Variants in NFAT5 observed in about 807,000 individuals in gnomAD.
The protein encoded by NFAT5 is nuclear factor of activated T cells 5, also known as nuclear factor of activated T-cells 5.
NFAT5 carries 31 observed loss-of-function variants against 166.5 expected under a neutral mutation model. The ratio of observed to expected loss-of-function variants is 0.19; its 90% CI spans 0.14 to 0.25. NFAT5 has a LOEUF of 0.25. Ranked by LOEUF, NFAT5 falls within the 10% of genes least tolerant of loss-of-function variation. The probability of loss-of-function intolerance (pLI) is 1.00; values close to 1 mark genes in which losing one functional copy is unlikely to be tolerated. For synonymous variants in NFAT5, 612 were observed against 639.7 expected (o/e 0.96, Z 0.65); for missense variants, 1,449 against 1,821.8 (o/e 0.80, Z 3.72).
In NFAT5 at chr16:69,596,621, C is replaced by A. The variant is rs532537571; in HGVS notation, c.127+28073C>A. 2.0e-5 allele frequency among the ~76,000 whole-genome samples: 3 copies of A among 150,724 alleles called. No individual in the cohort carries two copies. The Admixed American group carries it at 2.0e-4, about 10-fold the overall frequency. On this transcript the variant is annotated intron_variant, in intron 2 of 14. Coordinates refer to ENST00000349945, the MANE Select transcript of NFAT5 (RefSeq NM_138713.4). ...TAATTGCAGCTACTCAGGAGGCTGA[C>A]GCAGGAGAATCGCTTGAACCCGGGA...
chr16:69,653,034 A>G (rs2035739104), intron 4 of NFAT5, among the ~76,000 whole-genome samples: 1 of 152,278 alleles, frequency 6.6e-6, no homozygotes, highest in East Asian at 1.9e-4. Flanking sequence ...TTTGCATCAT[A>G]TAGTAAACTT....
At chr16:69,687,481 C>G (rs1171737663) in intron 11 of NFAT5, among the ~76,000 whole-genome samples, 3 of 150,430 alleles carry the variant, frequency 2.0e-5, no homozygotes, top group African/African-American at 4.9e-5. Flanking sequence ...TAAAATTAAC[C>G]TTTGTGACCT....
chr16:69,614,643 A>G lies in NFAT5; in HGVS notation c.128-11760A>G, dbSNP rs567260343. ...TACTTTGGTATTTCCAACAAATAAG[A>G]ATATTCCCTTATGTAACCACAATAT... On this transcript the variant is annotated intron_variant, in intron 2 of 14. Transcript: ENST00000349945. Among the ~76,000 whole-genome samples, 38 of 152,318 alleles carry G rather than the reference A, an allele frequency of 2.5e-4. No homozygotes were observed. The South Asian group carries it at 7.9e-3, about 32-fold the overall frequency.
intron 3 of NFAT5, among the ~76,000 whole-genome samples, chr16:69,635,556 C>A (rs753484118): frequency 6.6e-6 from 1 of 151,884 alleles, no homozygotes; most frequent in Non-Finnish European, 1.5e-5. Context: ...AAAGACATAC[C>A]CGAGACTAGA....
intron 2 of NFAT5, among the ~76,000 whole-genome samples, chr16:69,581,089 T>C (rs946942269): frequency 6.6e-6 from 1 of 152,190 alleles, no homozygotes; most frequent in African/African-American, 2.4e-5. Context: ...TCACCTAGGC[T>C]GGAATGCAGT....
intron 2 of NFAT5, among the ~76,000 whole-genome samples, chr16:69,612,101 A>G: frequency 6.6e-6 from 1 of 152,352 alleles, no homozygotes; most frequent in East Asian, 1.9e-4. Context: ...TTTCTGAAAT[A>G]ATATTAAAAT....
At chr16:69,677,861 C>T (rs1445137877) in intron 10 of NFAT5, among the ~76,000 whole-genome samples, 2 of 151,954 alleles carry the variant, frequency 1.3e-5, no homozygotes, top group Non-Finnish European at 2.9e-5. Context: ...TGGGTTAAAA[C>T]GATATTTTAG....
chr16:69,609,265 C>G (rs1474515474), intron 2 of NFAT5, among the ~76,000 whole-genome samples: 3 of 152,176 alleles, frequency 2.0e-5, no homozygotes, highest in East Asian at 1.9e-4. Flanking sequence ...CATTTTCATT[C>G]CAGCTGCATT....
chr16:69,680,694 C>T (rs2037022471), intron 10 of NFAT5, among the ~76,000 whole-genome samples: 1 of 152,138 alleles, frequency 6.6e-6, no homozygotes, highest in African/African-American at 2.4e-5. Flanking sequence ...AATGTCTTAG[C>T]TTCTGCCTCT....
At chr16:69,614,251 G>A (rs72801339) in intron 2 of NFAT5, among the ~76,000 whole-genome samples, 8,929 of 151,846 alleles carry the variant, frequency 0.059, 287 homozygotes, top group Middle Eastern at 0.11. Context: ...GACATCCTGG[G>A]ATCAAGCAGT....
At chr16:69,653,760 C>T (rs775195745) in intron 5 of NFAT5, among the ~76,000 whole-genome samples, 41 of 151,816 alleles carry the variant, frequency 2.7e-4, no homozygotes, top group African/African-American at 7.2e-5. Flanking sequence ...TTAGTAGTGT[C>T]GCAGTTTCAC....
At chr16:69,638,042 A>G (rs1445706794) in intron 3 of NFAT5, among the ~76,000 whole-genome samples, 1 of 151,916 alleles carries the variant, frequency 6.6e-6, no homozygotes, top group Non-Finnish European at 1.5e-5. Context: ...AACATGATGA[A>G]ACCCTGGCTC....
At chr16:69,629,677 C>T (rs943286217) in intron 3 of NFAT5, among the ~76,000 whole-genome samples, 1 of 150,624 alleles carries the variant, frequency 6.6e-6, no homozygotes, top group Non-Finnish European at 1.5e-5. Flanking sequence ...GTGCGAGGTG[C>T]GATCATAGCT....
intron 2 of NFAT5, among the ~76,000 whole-genome samples, chr16:69,609,652 T>C (rs1476395218): frequency 1.3e-5 from 2 of 151,908 alleles, no homozygotes; most frequent in Non-Finnish European, 2.9e-5. Flanking sequence ...GTCTGAATAC[T>C]TGCTTGTGGG....
chr16:69,567,495 T>C (rs1343679115), intron 1 of NFAT5, among the ~76,000 whole-genome samples: 1 of 152,206 alleles, frequency 6.6e-6, no homozygotes, highest in African/African-American at 2.4e-5. Flanking sequence ...GTGTTTCTTC[T>C]GCTTTTGGTT....
At chr16:69,670,372 A>T (rs755067060) in intron 9 of NFAT5, 84 bp downstream of exon 9, 116 of 810,214 alleles carry the variant, frequency 1.4e-4, no homozygotes, top group Non-Finnish European at 2.2e-4. Flanking sequence ...GAATCAATAG[A>T]TTAAATTTCT....
At chr16:69,572,558 G>A (rs2161630) in intron 2 of NFAT5, among the ~76,000 whole-genome samples, 82,761 of 151,832 alleles carry the variant, frequency 0.55, 24,003 homozygotes, top group East Asian at 0.81. Context: ...ACCATTTGTT[G>A]TACATTCTAT....
intron 7 of NFAT5, among the ~76,000 whole-genome samples, chr16:69,662,234 A>G (rs2036176462): frequency 6.6e-6 from 1 of 152,176 alleles, no homozygotes; most frequent in South Asian, 2.1e-4. Context: ...TAAAACACAA[A>G]TAGAAGTAAA....
intron 2 of NFAT5, among the ~76,000 whole-genome samples, chr16:69,600,243 A>T (rs1184006132): frequency 6.6e-6 from 1 of 152,204 alleles, no homozygotes; most frequent in Non-Finnish European, 1.5e-5. Context: ...GAATTCCTGA[A>T]AGCAGGAGTA....
Sources: gnomAD v4.1 joint callset for allele counts (sites outside exome capture counted in the v4.1 genomes callset) on GRCh38, gnomAD v4.1.1 for gene constraint, MANE v1.5 for transcripts, NCBI Gene and HGNC (gene_info 2026-07-23, HGNC 2026-07-21) for gene names.